Variants in KCTD1 observed in about 807,000 individuals in gnomAD.
KCTD1 encodes the protein BTB/POZ domain-containing protein KCTD1.
Under a neutral mutation model 66.0 loss-of-function variants are expected in KCTD1, and 24 were observed. The observed-to-expected ratio is 0.36, with a 90% CI of 0.26 to 0.51. The LOEUF is 0.51. Ranked by LOEUF, KCTD1 falls within the 20% of genes least tolerant of loss-of-function variation. The pLI is 0.95. For missense variants in KCTD1, 943 were observed against 1,205.2 expected, an observed-to-expected ratio of 0.78 and a Z score of 3.22; for synonymous variants, 511 against 517.2, an observed-to-expected ratio of 0.99 and a Z score of 0.16.
intron 1 of KCTD1, among the ~76,000 whole-genome samples, chr18:26,580,339 A>G (rs925768289): frequency 2.6e-5 from 4 of 152,092 alleles, no homozygotes; most frequent in Admixed American, 1.3e-4. Flanking sequence ...CGCGGTTTGC[A>G]TCTAGTAAGG....
intron 1 of KCTD1, among the ~76,000 whole-genome samples, chr18:26,523,936 G>A (rs1984036095): frequency 6.6e-6 from 1 of 152,184 alleles, no homozygotes; most frequent in Non-Finnish European, 1.5e-5. Context: ...TGGCCAACGG[G>A]GCTTCAAGCA....
chr18:26,605,173 T>C (rs1313003648), intron 1 of KCTD1, among the ~76,000 whole-genome samples: 2 of 152,206 alleles, frequency 1.3e-5, no homozygotes, highest in African/African-American at 4.8e-5. Context: ...TTGATCGGGA[T>C]GTACTCATAT....
chr18:26,580,141 C>T (rs1986319468), intron 1 of KCTD1, among the ~76,000 whole-genome samples: 1 of 152,150 alleles, frequency 6.6e-6, no homozygotes, highest in Non-Finnish European at 1.5e-5. Flanking sequence ...AGCACCCACC[C>T]TGTGCCAAGC....
chr18:26,473,781 G>A (rs1396477307), intron 3 of KCTD1, among the ~76,000 whole-genome samples: 1 of 152,158 alleles, frequency 6.6e-6, no homozygotes, highest in African/African-American at 2.4e-5. Context: ...GCCCTTGGCT[G>A]GGAGCAGCGG....
At chr18:26,591,270 C>G (rs868602063) in intron 1 of KCTD1, among the ~76,000 whole-genome samples, 1 of 152,292 alleles carries the variant, frequency 6.6e-6, no homozygotes, top group Middle Eastern at 3.4e-3. Flanking sequence ...CCAAGCAGTC[C>G]TCCTGCCTTG....
chr18:26,471,897 G>A (rs913832845), intron 3 of KCTD1, among the ~76,000 whole-genome samples: 5 of 152,182 alleles, frequency 3.3e-5, no homozygotes, highest in African/African-American at 1.2e-4. Flanking sequence ...AGTCCAGAGA[G>A]CTGCTGGGCC....
chr18:26,486,063 G>A (rs1049802751), intron 2 of KCTD1, among the ~76,000 whole-genome samples: 3 of 151,684 alleles, frequency 2.0e-5, no homozygotes, highest in African/African-American at 7.3e-5. Context: ...ACAGGCGTGC[G>A]CCACTAGGCC....
intron 1 of KCTD1, among the ~76,000 whole-genome samples, chr18:26,635,396 T>C (rs12958697): frequency 0.15 from 23,147 of 152,150 alleles, 2,197 homozygotes; most frequent in Middle Eastern, 0.33. Flanking sequence ...GCTACTGGAG[T>C]TGCTCATGAA....
intron 2 of KCTD1, among the ~76,000 whole-genome samples, chr18:26,499,741 G>C (rs531176075): frequency 6.6e-6 from 1 of 152,186 alleles, no homozygotes; most frequent in Non-Finnish European, 1.5e-5. Context: ...CACTTCATAA[G>C]ACATTCTGAA....
At chr18:26,565,482 C>A (rs1325039939) in intron 1 of KCTD1, among the ~76,000 whole-genome samples, 1 of 152,174 alleles carries the variant, frequency 6.6e-6, no homozygotes, top group African/African-American at 2.4e-5. Context: ...GATATAAACC[C>A]ATCAAGAATG....
rs1489948612 is a variant in KCTD1 at position 26,455,170 on chromosome 18, T to G, written c.*573A>C. On this transcript the variant is annotated 3_prime_UTR_variant, in exon 5 of 5. Coordinates refer to ENST00000580059, the MANE Select transcript of KCTD1 (RefSeq NM_001142730.3). ...AGTGTGACTTCTGTACAAACTACAT[T>G]TAAAATTTCATGTCTAACATCTTTG... is the stretch of plus-strand genomic sequence containing the variant. 1 of 152,738 alleles carries G rather than the reference T, an allele frequency of 6.5e-6. No individual in the cohort carries two copies. Among genetic ancestry groups the G allele is most frequent in the East Asian group, 1.9e-4 (1 of 5,196 alleles). 9.5% of individuals were successfully genotyped at this position (152,738 alleles called of 1,614,324 possible).
At chr18:26,645,191 A>G (rs372441415), upstream of KCTD1, among the ~76,000 whole-genome samples, 131 of 152,362 alleles carry the variant, frequency 8.6e-4, 2 homozygotes, top group South Asian at 0.025. Context: ...AAAGGCTTCA[A>G]AAGAGGGTAT....
intron 1 of KCTD1, among the ~76,000 whole-genome samples, chr18:26,512,937 T>C (rs967144459): frequency 2.6e-5 from 4 of 151,946 alleles, no homozygotes; most frequent in Non-Finnish European, 4.4e-5. Flanking sequence ...GCTGAAATCA[T>C]GCCCCCGCAC....
At chr18:26,505,875 CATTATT>C (rs1400875172) in intron 1 of KCTD1, among the ~76,000 whole-genome samples, 1 of 150,760 alleles carries the variant, frequency 6.6e-6, no homozygotes. Flanking sequence ...ATTTTATTAT[CATTATT>C]ATTATTATTT....
At chr18:26,482,540 G>A (rs1367965771) in intron 2 of KCTD1, among the ~76,000 whole-genome samples, 1 of 152,060 alleles carries the variant, frequency 6.6e-6, no homozygotes, top group Non-Finnish European at 1.5e-5. Flanking sequence ...AAACTCTTAC[G>A]GGATTTGTCA....
chr18:26,617,883 A>C (rs1792865971), intron 1 of KCTD1, among the ~76,000 whole-genome samples: 3 of 145,604 alleles, frequency 2.1e-5, no homozygotes, highest in African/African-American at 2.6e-5. Context: ...GAGGGAGGGA[A>C]GGAGGGCAGG....
chr18:26,582,060 G>C (rs1419910432), intron 1 of KCTD1, among the ~76,000 whole-genome samples: 1 of 149,418 alleles, frequency 6.7e-6, no homozygotes, highest in Admixed American at 6.7e-5. Flanking sequence ...GTGAGCTCAA[G>C]AGCTCGAGAC....
chr18:26,471,093 C>T (rs190803427), intron 3 of KCTD1, among the ~76,000 whole-genome samples: 6 of 152,170 alleles, frequency 3.9e-5, no homozygotes, highest in Admixed American at 2.0e-4. Context: ...TCTGGGAGGA[C>T]GTGCAGGTCT....
intron 2 of KCTD1, among the ~76,000 whole-genome samples, chr18:26,493,326 C>A (rs1982304120): frequency 6.6e-6 from 1 of 152,094 alleles, no homozygotes; most frequent in African/African-American, 2.4e-5. Context: ...GTGATAGTGA[C>A]AAAATCTGCT....
Sources: allele counts gnomAD v4.1 joint callset (sites outside exome capture counted in the v4.1 genomes callset), GRCh38; gene constraint gnomAD v4.1.1; transcripts MANE v1.5; gene names NCBI Gene and HGNC (gene_info 2026-07-23, HGNC 2026-07-21).